NUCKS1: variants seen among roughly 807,000 people sequenced by gnomAD.
NUCKS1 encodes the protein nuclear casein kinase and cyclin dependent kinase substrate 1.
NUCKS1 carries 2 observed loss-of-function variants against 33.0 expected under a neutral mutation model. The ratio of observed to expected loss-of-function variants is 0.06; its 90% CI spans 0.02 to 0.19. The LOEUF (loss-of-function observed/expected upper bound fraction) is 0.19. Among genes scored for constraint, NUCKS1 ranks in the 10% least tolerant of loss-of-function variants. The probability of loss-of-function intolerance (pLI) is 1.00; values close to 1 mark genes in which losing one functional copy is unlikely to be tolerated. For missense variants in NUCKS1, 201 were observed against 293.6 expected, an observed-to-expected ratio of 0.68 and a Z score of 2.31; for synonymous variants, 106 against 102.8, an observed-to-expected ratio of 1.03 and a Z score of -0.19.
chr1:205,723,663 G>C (rs2102432792), intron 4 of NUCKS1, among the ~76,000 whole-genome samples: 1 of 152,186 alleles, frequency 6.6e-6, no homozygotes, highest in Non-Finnish European at 1.5e-5. Context: ...GATACTTAAA[G>C]AAAACCAAGC....
rs6593965 is a variant in NUCKS1 at position 205,714,152 on chromosome 1, T to C, written c.*4128A>G. 152,050 of 152,338 alleles carry C rather than the reference T, an allele frequency of 1. 75,882 individuals are homozygous for C. The highest frequency in any genetic ancestry group is 1 in the Middle Eastern group (294 of 294). 9.4% of individuals were successfully genotyped at this position (152,338 alleles called of 1,614,324 possible). On this transcript the variant is annotated 3_prime_UTR_variant, in exon 7 of 7. Transcript: ENST00000367142. ...AGAAGACAAAGCTTTAATTGCCAGA[T>C]GTATACAAACACACACTCACACGTA...
chr1:205,724,470 G>T (rs1653666919), intron 3 of NUCKS1, among the ~76,000 whole-genome samples: 1 of 152,174 alleles, frequency 6.6e-6, no homozygotes, highest in African/African-American at 2.4e-5. Flanking sequence ...GAGGTAGGCA[G>T]ATTGCTGGAG....
intron 1 of NUCKS1, among the ~76,000 whole-genome samples, chr1:205,747,426 A>G (rs1654359605): frequency 6.6e-6 from 1 of 152,260 alleles, no homozygotes; most frequent in South Asian, 2.1e-4. Flanking sequence ...TTGTATGAAC[A>G]AAGTTAAACA....
rs1671782289 is a variant in NUCKS1, at chr1:205,713,805, CTAGT to C, written c.*4471_*4474del. 1 of 152,122 alleles carries C rather than the reference CTAGT, an allele frequency of 6.6e-6. No homozygotes were observed. Among genetic ancestry groups the C allele is most frequent in the Admixed American group, 6.5e-5 (1 of 15,274 alleles). 9.4% of individuals were successfully genotyped at this position (152,122 alleles called of 1,614,324 possible). A position where few individuals can be genotyped will look rare whatever the true frequency, so the allele number is the denominator to read the frequency against. On this transcript the variant is annotated 3_prime_UTR_variant, in exon 7 of 7. Transcript: ENST00000367142. ...AGATGCCCCGGTCTCAGCCCATGGACTAGTTAATACAGTGAAGCAGGTTCCTGTC... is the reference window on the plus strand; with the variant it reads ...AGATGCCCCGGTCTCAGCCCATGGACTAATACAGTGAAGCAGGTTCCTGTC...
chr1:205,715,474 G>A lies in NUCKS1; in HGVS notation c.*2806C>T, dbSNP rs1004938488. On this transcript the variant is annotated 3_prime_UTR_variant, in exon 7 of 7. Transcript: ENST00000367142. Reference sequence around the variant, plus strand: ...TACCTACCATTACTGGAATTAAAATGTATCCTCTGGGCCCACTCCATTGAT... The same window carrying A: ...TACCTACCATTACTGGAATTAAAATATATCCTCTGGGCCCACTCCATTGAT... 12 of 152,236 alleles carry A rather than the reference G, an allele frequency of 7.9e-5. No homozygotes were observed. The allele number at this position is 152,236 out of a possible 1,614,324, so 9.4% of individuals were successfully genotyped here. A position where few individuals can be genotyped will look rare whatever the true frequency, so the allele number is the denominator to read the frequency against.
intron 3 of NUCKS1, among the ~76,000 whole-genome samples, chr1:205,726,057 G>T (rs1446714864): frequency 6.6e-6 from 1 of 152,118 alleles, no homozygotes; most frequent in Non-Finnish European, 1.5e-5. Flanking sequence ...AAATTAGCCA[G>T]GTGTGGTGGT....
chr1:205,740,487 C>T (rs1422019179), intron 1 of NUCKS1, among the ~76,000 whole-genome samples: 5 of 151,854 alleles, frequency 3.3e-5, no homozygotes, highest in South Asian at 2.1e-4. Context: ...TGGTGGCGCA[C>T]GCCTGTAGTC....
At position 205,749,965 on chromosome 1, in the gene NUCKS1, C is replaced by T. The variant is rs774022091; in HGVS notation, c.9G>A (p.Arg3=). ...TCAGACTCCGCACTGACCTGACAGG[C>T]CGCGACATGTTCGCTGTCGAAACAG... The part of the protein sequence containing the change: MS[R]PVRNRKVVDY... The change falls in exon 1 of 7, where the codon CGG becomes CGA. Residue 3 remains arginine, a synonymous_variant. Coordinates refer to ENST00000367142, the MANE Select transcript of NUCKS1 (RefSeq NM_022731.5). The T allele has an allele frequency of 5.6e-6, 9 of 1,610,226 alleles. No homozygotes were observed. In the African/African-American group the frequency reaches 6.7e-5, roughly 12 times the overall value.
At position 205,720,620 on chromosome 1, in the gene NUCKS1, T is replaced by A. The variant is rs1410858814; in HGVS notation, c.263A>T (p.Asn88Ile). Reference sequence around the variant, plus strand: ...TGCCGCCTGCCGTTGTTGGCGCACATTTTTATGATCTTCTTTTTCATCTTC... The same window carrying A: ...TGCCGCCTGCCGTTGTTGGCGCACAATTTTATGATCTTCTTTTTCATCTTC... ...DSEDEKEDHK[N>I]VRQQRQAASK... Residue 88 changes from asparagine (N) to isoleucine (I), a missense_variant, in exon 5 of 7, where the codon AAT becomes ATT. Asn to Ile is a moderately radical substitution (Grantham distance 149). Coordinates refer to ENST00000367142, the MANE Select transcript of NUCKS1 (RefSeq NM_022731.5). 1 of 1,614,024 alleles carries A rather than the reference T, an allele frequency of 6.2e-7. No homozygotes were observed. Among genetic ancestry groups the A allele is most frequent in the Non-Finnish European group, 8.5e-7 (1 of 1,179,984 alleles).
At chr1:205,733,825 GTATC>G in intron 1 of NUCKS1, among the ~76,000 whole-genome samples, 1 of 152,082 alleles carries the variant, frequency 6.6e-6, no homozygotes, top group East Asian at 1.9e-4. Context: ...ATATCTATCT[GTATC>G]TATCTAGACA....
chr1:205,746,203 G>A (rs1654319397), intron 1 of NUCKS1, among the ~76,000 whole-genome samples: 1 of 152,036 alleles, frequency 6.6e-6, no homozygotes. Context: ...GCTGAGGCAG[G>A]AGAATCACTT....
rs1287241191 is a variant in NUCKS1 at position 205,713,041 on chromosome 1, A to G, written c.*5239T>C. 1.3e-5 allele frequency: 2 copies of G among 152,168 alleles called. No homozygotes were observed. The highest frequency in any genetic ancestry group is 4.8e-5 in the African/African-American group (2 of 41,426). 9.4% of individuals were successfully genotyped at this position (152,168 alleles called of 1,614,324 possible). A position where few individuals can be genotyped will look rare whatever the true frequency, so the allele number is the denominator to read the frequency against. ...ACCAAGACATGTTTATCTTTTACCAACAACAGGGATGGTCACTGTTAAAGT... is the reference window on the plus strand; with the variant it reads ...ACCAAGACATGTTTATCTTTTACCAGCAACAGGGATGGTCACTGTTAAAGT... On this transcript the variant is annotated 3_prime_UTR_variant, in exon 7 of 7. Transcript: ENST00000367142.
At chr1:205,743,635 T>C (rs1654236410) in intron 1 of NUCKS1, among the ~76,000 whole-genome samples, 1 of 152,220 alleles carries the variant, frequency 6.6e-6, no homozygotes, top group Admixed American at 6.5e-5. Context: ...CAAACCCTAC[T>C]TGATCACATA....
chr1:205,718,220 CTTTTTTCTTTTTTTT>C lies in NUCKS1; in HGVS notation c.*45_*59del. 4 of 1,477,612 alleles carry C rather than the reference CTTTTTTCTTTTTTTT, an allele frequency of 2.7e-6. No homozygotes were observed. Among genetic ancestry groups the C allele is most frequent in the Non-Finnish European group, 3.6e-6 (4 of 1,106,436 alleles). The allele number at this position is 1,477,612 out of a possible 1,614,324, so 91.5% of individuals were successfully genotyped here. A position where few individuals can be genotyped will look rare whatever the true frequency, so the allele number is the denominator to read the frequency against. ...AAGTAGGTTCTTTTTTTTCCTCCCT[CTTTTTTCTTTTTTTT>C]TCTTTTTTTTTTTAATAAAATCTCT... On this transcript the variant is annotated 3_prime_UTR_variant, in exon 7 of 7. Transcript: ENST00000367142.
intron 1 of NUCKS1, among the ~76,000 whole-genome samples, chr1:205,739,491 G>A (rs1417737873): frequency 6.7e-6 from 1 of 150,084 alleles, no homozygotes; most frequent in East Asian, 1.9e-4. Flanking sequence ...TTCTTTTTTT[G>A]AGACGGGGTC....
rs370982662 is a variant in NUCKS1 at position 205,724,359 on chromosome 1, A to C, written c.174-378T>G. Among the ~76,000 whole-genome samples, 7 of 152,348 alleles carry C rather than the reference A, an allele frequency of 4.6e-5. No homozygotes were observed. In the East Asian group the frequency reaches 1.3e-3, roughly 29 times the overall value. On this transcript the variant is annotated intron_variant, in intron 3 of 6. Transcript: ENST00000367142. ...TGTTGATGGCAAATAAAGATCACTA[A>C]ATATACACAAGAAAAACTGCTAAAA...
At chr1:205,741,317 A>G (rs1654167804) in intron 1 of NUCKS1, among the ~76,000 whole-genome samples, 1 of 150,526 alleles carries the variant, frequency 6.6e-6, no homozygotes, top group Non-Finnish European at 1.5e-5. Flanking sequence ...AAAAAAAAAA[A>G]AAGAAAAGAA....
chr1:205,739,997 G>GTTTTTTTTTTTTTTTTT (rs60866378), intron 1 of NUCKS1, among the ~76,000 whole-genome samples: 2 of 81,764 alleles, frequency 2.4e-5, no homozygotes, highest in Non-Finnish European at 4.4e-5. Context: ...TTTACTTTAG[G>GTTTTTTTTTTTTTTTTT]TTTTTTTTTT....
chr1:205,726,473 A>C (rs956657122), intron 3 of NUCKS1, among the ~76,000 whole-genome samples: 1 of 152,232 alleles, frequency 6.6e-6, no homozygotes, highest in Non-Finnish European at 1.5e-5. Context: ...TGCTCCAGCA[A>C]AAAAAGTATT....
Sources: gnomAD v4.1 joint callset for allele counts (sites outside exome capture counted in the v4.1 genomes callset) on GRCh38, gnomAD v4.1.1 for gene constraint, MANE v1.5 for transcripts, NCBI Gene and HGNC (gene_info 2026-07-23, HGNC 2026-07-21) for gene names.